HYAL4: variants seen among roughly 807,000 people sequenced by gnomAD.
The protein encoded by HYAL4 is hyaluronidase-4.
In HYAL4, 37 loss-of-function variants were observed where a neutral mutation model predicts 35.2. The ratio of observed to expected loss-of-function variants is 1.05; its 90% CI spans 0.81 to 1.38. HYAL4 has a LOEUF of 1.38. HYAL4 is among the 40% of genes most tolerant of loss of function. The probability of loss-of-function intolerance (pLI) is 0.00; values close to 1 mark genes in which losing one functional copy is unlikely to be tolerated. For synonymous variants in HYAL4, 198 were observed against 203.2 expected (o/e 0.97, Z 0.22); for missense variants, 572 against 572.4 (o/e 1.00, Z 0.01).
the HYAL4 span, among the ~76,000 whole-genome samples, chr7:123,802,637 G>A: frequency 6.6e-6 from 1 of 151,480 alleles, no homozygotes; most frequent in African/African-American, 2.4e-5. Flanking sequence ...AAAGAATACA[G>A]CCTGGGCATA....
chr7:123,874,887 T>C, intron 4 of HYAL4, 37 bp downstream of exon 4: 2 of 1,154,212 alleles, frequency 1.7e-6, no homozygotes, highest in Non-Finnish European at 2.6e-6. Flanking sequence ...TAATGTTTTC[T>C]ATTAAAAGTA....
chr7:123,869,051 C>T lies in HYAL4; in HGVS notation c.778C>T (p.Pro260Ser), dbSNP rs1454092759. The T allele has an allele frequency of 9.9e-6, 16 of 1,614,098 alleles. No homozygotes were observed. Among genetic ancestry groups the T allele is most frequent in the Non-Finnish European group, 1.4e-5 (16 of 1,180,054 alleles). Residue 260 changes from proline (P) to serine (S), a missense_variant, in exon 3 of 5, where the codon CCT (proline) becomes TCT (serine). Coordinates refer to ENST00000223026, the MANE Select transcript of HYAL4 (RefSeq NM_012269.3). ...CTGGAACAGCAGTGCTGCTTTATATCCTTCTATCGGTGTCTGGAAATCCCT... is the reference window on the plus strand; with the variant it reads ...CTGGAACAGCAGTGCTGCTTTATATTCTTCTATCGGTGTCTGGAAATCCCT... ...WLWNSSAALY[P>S]SIGVWKSLGD...
chr7:123,871,531 C>G (rs1312254825), intron 3 of HYAL4, among the ~76,000 whole-genome samples: 1 of 152,138 alleles, frequency 6.6e-6, no homozygotes, highest in African/African-American at 2.4e-5. Context: ...TCATTTGTAC[C>G]AAACTCTTAA....
the HYAL4 span, chr7:123,814,590 A>G: frequency 6.6e-6 from 1 of 152,616 alleles, no homozygotes; most frequent in Admixed American, 6.6e-5. Flanking sequence ...AGAATAATAT[A>G]TAAAAACCAC....
At position 123,868,174 on chromosome 7, in the gene HYAL4, G is replaced by A. The variant is rs985328095; in HGVS notation, c.-51-49G>A. 1.1e-5 allele frequency: 6 copies of A among 537,662 alleles called. No individual in the cohort carries two copies. In the East Asian group the frequency reaches 1.5e-4, roughly 13 times the overall value. The allele number at this position is 537,662 out of a possible 1,614,324, so 33.3% of individuals were successfully genotyped here. On this transcript the variant is annotated intron_variant, in intron 2 of 4. Transcript: ENST00000223026. ...ATAATAATATCTATTTATTATTTGA[G>A]TCTTTTTCCTCAAAACTATGACTAA... is the stretch of plus-strand genomic sequence containing the variant.
chr7:123,767,024 G>T, the HYAL4 span, among the ~76,000 whole-genome samples: 1 of 152,016 alleles, frequency 6.6e-6, no homozygotes, highest in African/African-American at 2.4e-5. Context: ...AAGAACATTT[G>T]GTTATGATGT....
upstream of HYAL4, among the ~76,000 whole-genome samples, chr7:123,825,437 A>G (rs1584905636): frequency 6.6e-6 from 1 of 152,166 alleles, no homozygotes; most frequent in East Asian, 1.9e-4. Flanking sequence ...GGTTGATATA[A>G]TCAAAACTTT....
At chr7:123,820,104 G>A in the HYAL4 span, among the ~76,000 whole-genome samples, 1 of 151,556 alleles carries the variant, frequency 6.6e-6, no homozygotes, top group African/African-American at 2.4e-5. Flanking sequence ...TGTTGGCCAG[G>A]CTGGTCTCAA....
chr7:123,876,042 C>T (rs1284973385), intron 4 of HYAL4: 2 of 456,632 alleles, frequency 4.4e-6, no homozygotes, highest in South Asian at 1.5e-5. Flanking sequence ...TATTTCCACC[C>T]CAGTCCCTTG....
chr7:123,791,635 G>A, the HYAL4 span, among the ~76,000 whole-genome samples: 5 of 152,314 alleles, frequency 3.3e-5, no homozygotes, highest in Admixed American at 6.5e-5. Context: ...TGGGTGCTGT[G>A]CACAGGGCCA....
chr7:123,780,393 CCACTT>C, the HYAL4 span, among the ~76,000 whole-genome samples: 1 of 152,252 alleles, frequency 6.6e-6, no homozygotes, highest in Admixed American at 6.5e-5. Context: ...AAAAACGTAT[CCACTT>C]CATAGGCACA....
intron 2 of HYAL4, among the ~76,000 whole-genome samples, chr7:123,863,403 T>C (rs1475204175): frequency 6.6e-6 from 1 of 152,166 alleles, no homozygotes; most frequent in East Asian, 1.9e-4. Flanking sequence ...TAGTTTACTT[T>C]ATCAGTTATT....
upstream of HYAL4, among the ~76,000 whole-genome samples, chr7:123,840,883 T>C (rs559935140): frequency 2.6e-5 from 4 of 152,158 alleles, no homozygotes; most frequent in South Asian, 2.1e-4. Flanking sequence ...TAAGGAGATT[T>C]TGGGCTGAGA....
chr7:123,831,961 T>TC (rs1805889733), intron 1 of HYAL4, among the ~76,000 whole-genome samples: 3 of 152,268 alleles, frequency 2.0e-5, no homozygotes, highest in South Asian at 4.1e-4. Flanking sequence ...CCTTTTTTTT[T>TC]CCCTTCCATG....
chr7:123,776,744 A>T, the HYAL4 span, among the ~76,000 whole-genome samples: 1 of 152,076 alleles, frequency 6.6e-6, no homozygotes, highest in East Asian at 1.9e-4. Flanking sequence ...ATGAGGGAAG[A>T]TGAGGTTTTG....
chr7:123,799,761 A>C, the HYAL4 span, among the ~76,000 whole-genome samples: 1 of 152,144 alleles, frequency 6.6e-6, no homozygotes, highest in Non-Finnish European at 1.5e-5. Context: ...ATGTTTTTCT[A>C]CCAAGGAATG....
intron 3 of HYAL4, among the ~76,000 whole-genome samples, chr7:123,869,844 C>CCA (rs113930511): frequency 2.7e-5 from 4 of 148,362 alleles, no homozygotes; most frequent in African/African-American, 9.9e-5. Flanking sequence ...CTCACCCCCC[C>CCA]CCACCCAGCT....
chr7:123,781,597 C>T, the HYAL4 span, among the ~76,000 whole-genome samples: 1 of 151,998 alleles, frequency 6.6e-6, no homozygotes, highest in Non-Finnish European at 1.5e-5. Flanking sequence ...GGGCAACCCA[C>T]CCCTACACAC....
At chr7:123,829,435 CAAGCCTCT>C (rs1170025866) in intron 1 of HYAL4, among the ~76,000 whole-genome samples, 5 of 151,992 alleles carry the variant, frequency 3.3e-5, no homozygotes, top group Non-Finnish European at 5.9e-5. Context: ...TTTTCAACCT[CAAGCCTCT>C]CCCAAAATAT....
Sources: gnomAD v4.1 joint callset for allele counts (sites outside exome capture counted in the v4.1 genomes callset) on GRCh38, gnomAD v4.1.1 for gene constraint, MANE v1.5 for transcripts, NCBI Gene and HGNC (gene_info 2026-07-23, HGNC 2026-07-21) for gene names.